The following HIPK2 variants were observed in gnomAD, a reference collection of about 807,000 sequenced individuals.
The protein encoded by HIPK2 is homeodomain-interacting protein kinase 2.
HIPK2 carries 27 observed loss-of-function variants against 113.7 expected under a neutral mutation model. The observed-to-expected ratio is 0.24, with a 90% CI of 0.17 to 0.33. The LOEUF (loss-of-function observed/expected upper bound fraction) is 0.33, where lower values mean the gene tolerates loss of function less well. HIPK2 is among the 10% of genes least tolerant of loss of function. The pLI is 1.00. For synonymous variants in HIPK2, 631 were observed against 642.2 expected (o/e 0.98, Z 0.26); for missense variants, 1,257 against 1,588.0 (o/e 0.79, Z 3.54).
chr7:139,650,017 A>G (rs1801397886), intron 2 of HIPK2, among the ~76,000 whole-genome samples: 1 of 152,110 alleles, frequency 6.6e-6, no homozygotes, highest in Non-Finnish European at 1.5e-5. Context: ...GTGACTTTAG[A>G]TACATTCAGG....
In HIPK2 at chr7:139,637,324, G is replaced by C. The variant is rs959351372; in HGVS notation, c.1104-5599C>G. On this transcript the variant is annotated intron_variant, in intron 2 of 14. Coordinates refer to ENST00000406875, the MANE Select transcript of HIPK2 (RefSeq NM_022740.5). ...AAATCTAGACCCCTCCATGGCCATGGGGCCTCCACGATTGGGACCCTGCCC... is the reference window on the plus strand; with the variant it reads ...AAATCTAGACCCCTCCATGGCCATGCGGCCTCCACGATTGGGACCCTGCCC... 2.0e-5 allele frequency among the ~76,000 whole-genome samples: 3 copies of C among 152,166 alleles called. 1 individual carries two copies. Among genetic ancestry groups the C allele is most frequent in the African/African-American group, 7.2e-5 (3 of 41,434 alleles).
intron 2 of HIPK2, among the ~76,000 whole-genome samples, chr7:139,664,199 C>G (rs1037307555): frequency 6.6e-6 from 1 of 152,222 alleles, no homozygotes; most frequent in Non-Finnish European, 1.5e-5. Flanking sequence ...CATTCATCTA[C>G]TTATTTTTCC....
intron 11 of HIPK2, among the ~76,000 whole-genome samples, chr7:139,598,401 T>G (rs1176170531): frequency 6.6e-6 from 1 of 152,236 alleles, no homozygotes. Context: ...CTGATATGAT[T>G]GTACCATTGT....
At chr7:139,655,513 G>A (rs1801635548) in intron 2 of HIPK2, among the ~76,000 whole-genome samples, 2 of 152,140 alleles carry the variant, frequency 1.3e-5, no homozygotes, top group Admixed American at 6.5e-5. Flanking sequence ...CCGCTTATCC[G>A]ACGTGGCAGG....
chr7:139,724,926 A>AC (rs1273416224), intron 1 of HIPK2, among the ~76,000 whole-genome samples: 1 of 152,122 alleles, frequency 6.6e-6, no homozygotes, highest in Non-Finnish European at 1.5e-5. Flanking sequence ...GCACATATAC[A>AC]CCATGGAATA....
chr7:139,755,031 C>T (rs1569485047), intron 1 of HIPK2, among the ~76,000 whole-genome samples: 3 of 152,144 alleles, frequency 2.0e-5, no homozygotes, highest in East Asian at 1.9e-4. Flanking sequence ...TCAGGGAAGA[C>T]GGCCTCACTT....
At chr7:139,748,254 G>A (rs374313814) in intron 1 of HIPK2, among the ~76,000 whole-genome samples, 4 of 152,010 alleles carry the variant, frequency 2.6e-5, no homozygotes, top group East Asian at 1.9e-4. Flanking sequence ...AGACTCCCAC[G>A]CTCCGATGGA....
intron 1 of HIPK2, among the ~76,000 whole-genome samples, chr7:139,730,232 T>C (rs1236846572): frequency 6.6e-6 from 1 of 152,238 alleles, no homozygotes; most frequent in African/African-American, 2.4e-5. Flanking sequence ...AGTCCACAGC[T>C]GAGGTGCCTT....
intron 12 of HIPK2, among the ~76,000 whole-genome samples, chr7:139,588,340 GA>G (rs985505403): frequency 1.2e-4 from 17 of 138,512 alleles, no homozygotes; most frequent in Admixed American, 2.9e-4. Context: ...GCCCCCTGCT[GA>G]AAAAAAAAAA....
At chr7:139,644,807 A>T (rs990685967) in intron 2 of HIPK2, among the ~76,000 whole-genome samples, 1 of 152,196 alleles carries the variant, frequency 6.6e-6, no homozygotes, top group Non-Finnish European at 1.5e-5. Flanking sequence ...TCAACTGCAG[A>T]TGTGGCGTCT....
chr7:139,609,090 C>T (rs1340711037), intron 9 of HIPK2, among the ~76,000 whole-genome samples: 2 of 152,210 alleles, frequency 1.3e-5, no homozygotes, highest in Admixed American at 1.3e-4. Flanking sequence ...TTTGACAAGT[C>T]AGATAAATTC....
intron 2 of HIPK2, among the ~76,000 whole-genome samples, chr7:139,703,029 G>A (rs1794759538): frequency 6.6e-6 from 1 of 152,024 alleles, no homozygotes; most frequent in Non-Finnish European, 1.5e-5. Context: ...TACCCTCCTG[G>A]CCATCCTGTG....
intron 13 of HIPK2, 137 bp from the exon 14 acceptor site, chr7:139,575,425 C>T: frequency 1.0e-6 from 1 of 987,798 alleles, no homozygotes; most frequent in Non-Finnish European, 1.5e-6. Flanking sequence ...AGCCTCATCT[C>T]CCCCGGACCC....
chr7:139,761,025 C>A (rs1796453395), intron 1 of HIPK2, among the ~76,000 whole-genome samples: 1 of 152,102 alleles, frequency 6.6e-6, no homozygotes, highest in African/African-American at 2.4e-5. Context: ...CAATAAAAAT[C>A]CATGAATGTA....
chr7:139,606,386 A>G (rs1799616902), intron 9 of HIPK2, among the ~76,000 whole-genome samples: 1 of 152,246 alleles, frequency 6.6e-6, no homozygotes, highest in East Asian at 1.9e-4. Flanking sequence ...GCCCTGAAAT[A>G]TGGTAAATTA....
intron 1 of HIPK2, among the ~76,000 whole-genome samples, chr7:139,769,432 C>G (rs1415331991): frequency 6.6e-6 from 1 of 152,232 alleles, no homozygotes; most frequent in East Asian, 1.9e-4. Flanking sequence ...TAATATCGGT[C>G]CCCTTCTCCA....
intron 2 of HIPK2, among the ~76,000 whole-genome samples, chr7:139,648,680 C>A (rs1241045089): frequency 6.6e-6 from 1 of 152,150 alleles, no homozygotes; most frequent in African/African-American, 2.4e-5. Flanking sequence ...ACGCCCCCCA[C>A]CCTTCTCATC....
At chr7:139,575,969 A>G (rs1381469819) in intron 13 of HIPK2, among the ~76,000 whole-genome samples, 1 of 152,262 alleles carries the variant, frequency 6.6e-6, no homozygotes, top group Non-Finnish European at 1.5e-5. Context: ...CGTGAGCCAA[A>G]TAAACTTCTA....
In HIPK2 at chr7:139,600,657, T is replaced by C. The variant is rs568766667; in HGVS notation, c.2256-61A>G. 12 of 1,554,276 alleles carry C rather than the reference T, an allele frequency of 7.7e-6. No homozygotes were observed. The African/African-American group carries it at 1.2e-4, about 16-fold the overall frequency. On this transcript the variant is annotated intron_variant, in intron 10 of 14. Transcript: ENST00000406875. ...GTGTTCTAAAAGTAGAGCTCCTCTA[T>C]AAGATCAAGCTTCCTCCCCAATTAA... is the stretch of plus-strand genomic sequence containing the variant.
Sources: allele counts gnomAD v4.1 joint callset (sites outside exome capture counted in the v4.1 genomes callset), GRCh38; gene constraint gnomAD v4.1.1; transcripts MANE v1.5; gene names NCBI Gene and HGNC (gene_info 2026-07-23, HGNC 2026-07-21).